Variants in AKT3 observed in about 807,000 individuals in gnomAD.
AKT3 encodes the protein AKT serine/threonine kinase 3.
Under a neutral mutation model 65.3 loss-of-function variants are expected in AKT3, and 15 were observed. That is an observed-to-expected ratio of 0.23 (90% CI 0.15 to 0.35). AKT3 has a LOEUF of 0.35. Among genes scored for constraint, AKT3 ranks in the 10% least tolerant of loss-of-function variants. The pLI is 1.00. For missense variants in AKT3, 243 were observed against 576.5 expected, an observed-to-expected ratio of 0.42 and a Z score of 5.92; for synonymous variants, 206 against 183.8, an observed-to-expected ratio of 1.12 and a Z score of -0.98.
At chr1:243,594,229 A>G (rs1676442252) in intron 8 of AKT3, among the ~76,000 whole-genome samples, 1 of 152,232 alleles carries the variant, frequency 6.6e-6, no homozygotes. Context: ...CCTATACACT[A>G]AAACTACAGT....
chr1:243,588,605 C>T (rs1675971530), intron 8 of AKT3, among the ~76,000 whole-genome samples: 1 of 152,122 alleles, frequency 6.6e-6, no homozygotes, highest in African/African-American at 2.4e-5. Flanking sequence ...GGTCAACAAA[C>T]ATTTGACAAG....
At chr1:243,769,672 T>C (rs1244358140) in intron 2 of AKT3, among the ~76,000 whole-genome samples, 1 of 152,216 alleles carries the variant, frequency 6.6e-6, no homozygotes, top group Non-Finnish European at 1.5e-5. Flanking sequence ...GAATTTTTAA[T>C]ATATTCTGGA....
At chr1:243,675,100 T>G (rs1259199905) in intron 3 of AKT3, among the ~76,000 whole-genome samples, 1 of 152,210 alleles carries the variant, frequency 6.6e-6, no homozygotes, top group African/African-American at 2.4e-5. Context: ...TCTGTACCAA[T>G]GAGACAATTT....
At chr1:243,703,620 G>A (rs533448428) in intron 2 of AKT3, among the ~76,000 whole-genome samples, 3 of 151,612 alleles carry the variant, frequency 2.0e-5, no homozygotes, top group African/African-American at 2.4e-5. Flanking sequence ...TTAGCCGGGC[G>A]TGGTGGCGGG....
intron 2 of AKT3, among the ~76,000 whole-genome samples, chr1:243,811,521 A>C (rs1243288188): frequency 6.6e-6 from 1 of 152,216 alleles, no homozygotes; most frequent in African/African-American, 2.4e-5. Context: ...GAAATAAGAG[A>C]GAATACAAAC....
At chr1:243,547,580 T>C (rs570201632) in intron 11 of AKT3, among the ~76,000 whole-genome samples, 1 of 152,328 alleles carries the variant, frequency 6.6e-6, no homozygotes, top group Admixed American at 6.5e-5. Context: ...TGGTTTTATC[T>C]GGATGCAATT....
At chr1:243,802,268 C>G (rs1423280671) in intron 2 of AKT3, among the ~76,000 whole-genome samples, 1 of 152,088 alleles carries the variant, frequency 6.6e-6, no homozygotes, top group Non-Finnish European at 1.5e-5. Context: ...GAGTCAAATT[C>G]TGTTACAAAA....
chr1:243,756,613 A>C (rs935535363), intron 2 of AKT3, among the ~76,000 whole-genome samples: 10 of 152,268 alleles, frequency 6.6e-5, no homozygotes, highest in Non-Finnish European at 1.2e-4. Flanking sequence ...TTATAAGAGA[A>C]TCCCAACTAA....
At chr1:243,768,396 C>A (rs1689963217) in intron 2 of AKT3, among the ~76,000 whole-genome samples, 1 of 152,068 alleles carries the variant, frequency 6.6e-6, no homozygotes, top group South Asian at 2.1e-4. Flanking sequence ...ATTCATTTTT[C>A]AGGTCTCTGT....
At chr1:243,690,497 T>C (rs1684620118) in intron 3 of AKT3, among the ~76,000 whole-genome samples, 1 of 152,192 alleles carries the variant, frequency 6.6e-6, no homozygotes, top group Non-Finnish European at 1.5e-5. Flanking sequence ...TGTACTATGC[T>C]TGAAAAACCT....
At chr1:243,844,215 C>T (rs191369778) in intron 1 of AKT3, among the ~76,000 whole-genome samples, 5 of 152,186 alleles carry the variant, frequency 3.3e-5, no homozygotes, top group Admixed American at 3.3e-4. Flanking sequence ...ACTATTAATT[C>T]CATTTCACAG....
rs575527864 is a variant in AKT3 at position 243,608,098 on chromosome 1, T to C, written c.696+5573A>G. 7.9e-5 allele frequency among the ~76,000 whole-genome samples: 12 copies of C among 152,256 alleles called. No individual in the cohort carries two copies. The South Asian group carries it at 2.5e-3, about 32-fold the overall frequency. ...AGAACTAATACAGGCAATTTCATCA[T>C]TGTGTGAACATCACAGAGTGACTTA... is the stretch of plus-strand genomic sequence containing the variant. On this transcript the variant is annotated intron_variant, in intron 8 of 13. Coordinates refer to ENST00000673466, the MANE Select transcript of AKT3 (RefSeq NM_005465.7).
At chr1:243,671,913 G>T (rs775644675) in intron 3 of AKT3, among the ~76,000 whole-genome samples, 1 of 152,192 alleles carries the variant, frequency 6.6e-6, no homozygotes, top group Non-Finnish European at 1.5e-5. Flanking sequence ...AGAATACACT[G>T]CTAGGAAAAA....
chr1:243,701,040 C>T (rs1228500396), intron 2 of AKT3, among the ~76,000 whole-genome samples: 1 of 152,156 alleles, frequency 6.6e-6, no homozygotes, highest in African/African-American at 2.4e-5. Flanking sequence ...CATATATAAA[C>T]ATTTTATTTC....
chr1:243,754,977 C>T (rs1303946401), intron 2 of AKT3, among the ~76,000 whole-genome samples: 1 of 152,212 alleles, frequency 6.6e-6, no homozygotes, highest in Non-Finnish European at 1.5e-5. Flanking sequence ...CCTATTTTGA[C>T]TTACAGTCTT....
chr1:243,639,509 G>T (rs536025380), intron 5 of AKT3, among the ~76,000 whole-genome samples: 2 of 152,260 alleles, frequency 1.3e-5, no homozygotes, highest in East Asian at 3.9e-4. Flanking sequence ...AACCAAGATG[G>T]TGATGAAAGT....
At chr1:243,801,786 G>C (rs1692396677) in intron 2 of AKT3, among the ~76,000 whole-genome samples, 1 of 152,156 alleles carries the variant, frequency 6.6e-6, no homozygotes, top group East Asian at 1.9e-4. Flanking sequence ...TCTTATAGTA[G>C]TGACCTGCAA....
intron 6 of AKT3, among the ~76,000 whole-genome samples, chr1:243,623,391 G>C (rs1678913269): frequency 6.6e-6 from 1 of 152,308 alleles, no homozygotes; most frequent in South Asian, 2.1e-4. Flanking sequence ...GGAATACCTA[G>C]AGAACTGGTA....
intron 8 of AKT3, among the ~76,000 whole-genome samples, chr1:243,586,904 G>A (rs1169577624): frequency 6.6e-6 from 1 of 151,588 alleles, no homozygotes; most frequent in East Asian, 1.9e-4. Context: ...AAAAGAAATG[G>A]AATAATGAAG....
Sources: gnomAD v4.1 joint callset for allele counts (sites outside exome capture counted in the v4.1 genomes callset) on GRCh38, gnomAD v4.1.1 for gene constraint, MANE v1.5 for transcripts, NCBI Gene and HGNC (gene_info 2026-07-23, HGNC 2026-07-21) for gene names.